ZNF804B: variants seen among roughly 807,000 people sequenced by gnomAD.
ZNF804B encodes the protein zinc finger 804B.
In ZNF804B, 80 loss-of-function variants were observed where a neutral mutation model predicts 101.4. That is an observed-to-expected ratio of 0.79 (90% CI 0.66 to 0.95). The LOEUF (loss-of-function observed/expected upper bound fraction) is 0.95, where lower values mean the gene tolerates loss of function less well. Among genes scored for constraint, ZNF804B ranks in the 40% least tolerant of loss-of-function variants. The pLI is 0.00. For synonymous variants in ZNF804B, 622 were observed against 558.8 expected (o/e 1.11, Z -1.59); for missense variants, 1,673 against 1,561.9 (o/e 1.07, Z -1.20).
chr7:88,998,157 C>T (rs547926356), intron 1 of ZNF804B, among the ~76,000 whole-genome samples: 4 of 152,180 alleles, frequency 2.6e-5, no homozygotes, highest in African/African-American at 9.6e-5. Context: ...TCCTGTCTTT[C>T]TTTAGAACTA....
At chr7:89,251,414 A>G (rs1473942395) in intron 2 of ZNF804B, among the ~76,000 whole-genome samples, 2 of 152,304 alleles carry the variant, frequency 1.3e-5, no homozygotes, top group Non-Finnish European at 2.9e-5. Flanking sequence ...AAGAAACAAG[A>G]CATCTACAAA....
At chr7:88,842,046 A>G (rs1791299344) in intron 1 of ZNF804B, among the ~76,000 whole-genome samples, 1 of 152,178 alleles carries the variant, frequency 6.6e-6, no homozygotes, top group Admixed American at 6.5e-5. Context: ...ATTGGACTAA[A>G]CAATATATAC....
At chr7:88,988,526 T>A (rs551141895) in intron 1 of ZNF804B, among the ~76,000 whole-genome samples, 2 of 152,224 alleles carry the variant, frequency 1.3e-5, no homozygotes, top group South Asian at 4.1e-4. Context: ...AAATGCTTCA[T>A]AGAATAACAA....
chr7:89,313,610 T>G (rs1299908966), intron 2 of ZNF804B, among the ~76,000 whole-genome samples: 2 of 152,230 alleles, frequency 1.3e-5, no homozygotes, highest in Non-Finnish European at 2.9e-5. Flanking sequence ...GCAGTACACA[T>G]GCAAAGCATT....
intron 2 of ZNF804B, among the ~76,000 whole-genome samples, chr7:89,307,364 A>G (rs1323499049): frequency 6.6e-6 from 1 of 152,072 alleles, no homozygotes; most frequent in Non-Finnish European, 1.5e-5. Context: ...TGAAATTATT[A>G]AGTCAGTTAA....
rs1249512233 is a variant in ZNF804B at position 89,215,905 on chromosome 7, A to T, written c.109-2250A>T. On this transcript the variant is annotated intron_variant, in intron 1 of 3. Transcript: ENST00000333190. ...TCTCTAAATAAATAAATAAATAAAT[A>T]AATAAATAAATAAATAAATAAATAA... is the stretch of plus-strand genomic sequence containing the variant. Among the ~76,000 whole-genome samples the T allele has an allele frequency of 2.0e-5, 3 of 150,104 alleles. No individual in the cohort carries two copies. In the East Asian group the frequency reaches 5.9e-4, roughly 29 times the overall value.
At chr7:88,915,824 A>G (rs912832621) in intron 1 of ZNF804B, among the ~76,000 whole-genome samples, 1 of 151,856 alleles carries the variant, frequency 6.6e-6, no homozygotes, top group African/African-American at 2.4e-5. Flanking sequence ...TTATAGTTTT[A>G]TCATAAAAAT....
At chr7:89,201,206 T>A (rs1485487454) in intron 1 of ZNF804B, among the ~76,000 whole-genome samples, 4 of 152,078 alleles carry the variant, frequency 2.6e-5, no homozygotes, top group African/African-American at 9.7e-5. Context: ...GATTTGCTGA[T>A]AAATATAACC....
At chr7:88,994,619 C>T (rs1793894191) in intron 1 of ZNF804B, among the ~76,000 whole-genome samples, 1 of 152,012 alleles carries the variant, frequency 6.6e-6, no homozygotes, top group East Asian at 1.9e-4. Context: ...GTTTACACTT[C>T]AGTAGTCTTT....
Position 89,218,143 on chromosome 7 carries a change from T to A in ZNF804B, c.109-12T>A. On this transcript the variant is annotated splice_polypyrimidine_tract_variant and intron_variant, in intron 1 of 3. Coordinates refer to ENST00000333190, the MANE Select transcript of ZNF804B (RefSeq NM_181646.5). ...AGAAGTCTAACCAACATTTATGTATTTTTTCTTAAAGGATTTTGCAGAAAA... is the reference window on the plus strand; with the variant it reads ...AGAAGTCTAACCAACATTTATGTATATTTTCTTAAAGGATTTTGCAGAAAA... 1 of 1,609,516 alleles carries A rather than the reference T, an allele frequency of 6.2e-7. No homozygotes were observed. The highest frequency in any genetic ancestry group is 8.5e-7 in the Non-Finnish European group (1 of 1,178,514).
At chr7:88,766,587 G>A (rs922972778) in intron 1 of ZNF804B, among the ~76,000 whole-genome samples, 1 of 152,094 alleles carries the variant, frequency 6.6e-6, no homozygotes, top group Non-Finnish European at 1.5e-5. Flanking sequence ...AAAGGGATAG[G>A]AATTGATGTT....
chr7:88,937,245 G>A (rs1410349658), intron 1 of ZNF804B, among the ~76,000 whole-genome samples: 3 of 151,894 alleles, frequency 2.0e-5, no homozygotes, highest in Non-Finnish European at 2.9e-5. Flanking sequence ...CTGATAGTCC[G>A]CTGGCATTCT....
chr7:88,960,075 C>T (rs1049878802), intron 1 of ZNF804B, among the ~76,000 whole-genome samples: 1 of 151,424 alleles, frequency 6.6e-6, no homozygotes. Context: ...TAAACAAAGA[C>T]TGTTTCCCCT....
chr7:88,894,101 A>T (rs1223017902), intron 1 of ZNF804B, among the ~76,000 whole-genome samples: 1 of 152,184 alleles, frequency 6.6e-6, no homozygotes, highest in Non-Finnish European at 1.5e-5. Context: ...AGCATTATCA[A>T]AGTATGGATA....
At chr7:89,049,228 A>G (rs941711176) in intron 1 of ZNF804B, among the ~76,000 whole-genome samples, 2 of 152,206 alleles carry the variant, frequency 1.3e-5, no homozygotes, top group Non-Finnish European at 2.9e-5. Context: ...TTGACAGGCC[A>G]TGTGGGAGAC....
intron 1 of ZNF804B, among the ~76,000 whole-genome samples, chr7:89,008,351 A>C (rs1379530838): frequency 6.6e-6 from 1 of 152,118 alleles, no homozygotes; most frequent in Non-Finnish European, 1.5e-5. Flanking sequence ...CAAAAAAAAC[A>C]GACTATCCTC....
intron 2 of ZNF804B, among the ~76,000 whole-genome samples, chr7:89,259,285 G>C (rs1789677923): frequency 6.6e-6 from 1 of 152,028 alleles, no homozygotes; most frequent in African/African-American, 2.4e-5. Context: ...TTGTAACCTT[G>C]CACCCCAACT....
intron 2 of ZNF804B, among the ~76,000 whole-genome samples, chr7:89,279,612 T>C (rs1790048502): frequency 6.6e-6 from 1 of 152,220 alleles, no homozygotes; most frequent in Non-Finnish European, 1.5e-5. Context: ...GAGATAATCT[T>C]GTGGTTTTTG....
intron 1 of ZNF804B, among the ~76,000 whole-genome samples, chr7:88,968,326 C>G (rs537359818): frequency 1.2e-3 from 180 of 151,610 alleles, no homozygotes; most frequent in African/African-American, 3.9e-3. Context: ...GTTGTACCTT[C>G]CCTGATACGG....
Sources: allele counts gnomAD v4.1 joint callset (sites outside exome capture counted in the v4.1 genomes callset), GRCh38; gene constraint gnomAD v4.1.1; transcripts MANE v1.5; gene names NCBI Gene and HGNC (gene_info 2026-07-23, HGNC 2026-07-21).